Variants in HORMAD2 observed in about 807,000 individuals in gnomAD.
HORMAD2 encodes the protein HORMA domain containing 2.
Under a neutral mutation model 38.8 loss-of-function variants are expected in HORMAD2, and 45 were observed. That is an observed-to-expected ratio of 1.16 (90% CI 0.91 to 1.49). The LOEUF is 1.49. Ranked by LOEUF, HORMAD2 falls within the 40% of genes most tolerant of loss-of-function variation. The pLI, the probability that HORMAD2 is intolerant of heterozygous loss-of-function variation, is 0.00. For missense variants in HORMAD2, 338 were observed against 367.0 expected, an observed-to-expected ratio of 0.92 and a Z score of 0.65; for synonymous variants, 126 against 122.8, an observed-to-expected ratio of 1.03 and a Z score of -0.17.
At chr22:30,182,336 A>G in the HORMAD2 span, among the ~76,000 whole-genome samples, 3 of 152,190 alleles carry the variant, frequency 2.0e-5, no homozygotes, top group Non-Finnish European at 2.9e-5. Context: ...ATTAGTTATG[A>G]GGTATCATCT....
intron 1 of HORMAD2, among the ~76,000 whole-genome samples, chr22:30,088,124 C>CACAT (rs1491190235): frequency 9.2e-4 from 133 of 144,714 alleles, no homozygotes; most frequent in Non-Finnish European, 1.5e-3. Flanking sequence ...TATACACACA[C>CACAT]GTACACATGT....
intron 10 of HORMAD2, among the ~76,000 whole-genome samples, chr22:30,142,481 A>G (rs529764471): frequency 1.3e-5 from 2 of 152,190 alleles, no homozygotes; most frequent in South Asian, 2.1e-4. Context: ...GTCTGACGCT[A>G]TTATTGTTGA....
At chr22:30,172,528 T>C (rs1911941031) in intron 10 of HORMAD2, among the ~76,000 whole-genome samples, 1 of 152,182 alleles carries the variant, frequency 6.6e-6, no homozygotes, top group African/African-American at 2.4e-5. Context: ...CATTTGTGTG[T>C]TCATTCATTC....
chr22:30,193,417 C>T, the HORMAD2 span, among the ~76,000 whole-genome samples: 1 of 152,260 alleles, frequency 6.6e-6, no homozygotes, highest in African/African-American at 2.4e-5. Flanking sequence ...AGGACAGAAA[C>T]AAACACCAGA....
intron 2 of HORMAD2, 27 bp from the exon 3 acceptor site, chr22:30,098,825 C>A (rs770848993): frequency 6.3e-6 from 10 of 1,593,800 alleles, no homozygotes; most frequent in Admixed American, 1.7e-5. Context: ...TAATACTAAT[C>A]TTTTTTCACC....
intron 8 of HORMAD2, among the ~76,000 whole-genome samples, chr22:30,121,202 G>T (rs1419629103): frequency 6.6e-6 from 1 of 152,186 alleles, no homozygotes; most frequent in Non-Finnish European, 1.5e-5. Context: ...CCCAGAGCTG[G>T]TGATTGATTT....
chr22:30,127,371 C>T (rs1922955923), intron 10 of HORMAD2, among the ~76,000 whole-genome samples: 2 of 151,884 alleles, frequency 1.3e-5, no homozygotes, highest in Admixed American at 1.3e-4. Flanking sequence ...ACCACACCCA[C>T]CTAGTTTTTG....
chr22:30,121,422 T>C (rs1922419699), intron 8 of HORMAD2, among the ~76,000 whole-genome samples: 1 of 152,216 alleles, frequency 6.6e-6, no homozygotes, highest in Non-Finnish European at 1.5e-5. Flanking sequence ...GATCGTATTT[T>C]AAATGCTTTT....
downstream of HORMAD2, among the ~76,000 whole-genome samples, chr22:30,179,268 A>G (rs1926604596): frequency 6.6e-6 from 1 of 152,216 alleles, no homozygotes; most frequent in South Asian, 2.1e-4. Context: ...TGCATGTAAG[A>G]GTTAAGTCAA....
intron 1 of HORMAD2, among the ~76,000 whole-genome samples, chr22:30,085,857 A>G (rs996539264): frequency 1.3e-5 from 2 of 152,260 alleles, no homozygotes. Context: ...GTCAGGGGAT[A>G]CTTAAAGACA....
chr22:30,120,625 C>T (rs1371418927), intron 8 of HORMAD2, among the ~76,000 whole-genome samples: 1 of 150,810 alleles, frequency 6.6e-6, no homozygotes, highest in African/African-American at 2.4e-5. Flanking sequence ...CCAAATTGTT[C>T]ATTCATTCAT....
At chr22:30,137,456 G>A in intron 10 of HORMAD2, 1 of 262,904 alleles carries the variant, frequency 3.8e-6, no homozygotes, top group East Asian at 1.1e-4. Flanking sequence ...CCACTGCACT[G>A]CAACCAGGGC....
chr22:30,207,367 T>C, the HORMAD2 span, among the ~76,000 whole-genome samples: 1 of 152,056 alleles, frequency 6.6e-6, no homozygotes, highest in African/African-American at 2.4e-5. Context: ...AAACCACTGA[T>C]TAGGAAGCAA....
At chr22:30,081,571 CTTTTCTT>C (rs2068475408) in intron 1 of HORMAD2, among the ~76,000 whole-genome samples, 1 of 146,688 alleles carries the variant, frequency 6.8e-6, no homozygotes, top group African/African-American at 2.4e-5. Context: ...CCTCACTTTC[CTTTTCTT>C]TTTTCTTTTT....
At chr22:30,077,898 G>A (rs758708641), upstream of HORMAD2, among the ~76,000 whole-genome samples, 1 of 152,184 alleles carries the variant, frequency 6.6e-6, no homozygotes, top group Non-Finnish European at 1.5e-5. Flanking sequence ...TACCTTCAAT[G>A]TTCACTGAGG....
In HORMAD2 at chr22:30,094,522, C is replaced by T. The variant is rs141899837; in HGVS notation, c.51+519C>T. Among the ~76,000 whole-genome samples the T allele has an allele frequency of 1.0e-3, 158 of 152,260 alleles. 2 individuals are homozygous for T. The highest frequency in any genetic ancestry group is 3.7e-3 in the African/African-American group (152 of 41,556). On this transcript the variant is annotated intron_variant, in intron 2 of 10. Coordinates refer to ENST00000336726, the MANE Select transcript of HORMAD2 (RefSeq NM_152510.4). ...ATTATGTAGTATAATATTCATTATACTGTGTAACTCACTGATAAAATACAA... is the reference window on the plus strand; with the variant it reads ...ATTATGTAGTATAATATTCATTATATTGTGTAACTCACTGATAAAATACAA...
At chr22:30,151,500 T>A (rs1924748022) in intron 10 of HORMAD2, among the ~76,000 whole-genome samples, 1 of 152,142 alleles carries the variant, frequency 6.6e-6, no homozygotes, top group African/African-American at 2.4e-5. Context: ...TGCTTAAGAA[T>A]TTCAACATGA....
At chr22:30,156,764 C>A (rs1427910615) in intron 10 of HORMAD2, among the ~76,000 whole-genome samples, 1 of 152,202 alleles carries the variant, frequency 6.6e-6, no homozygotes, top group African/African-American at 2.4e-5. Context: ...GCAAGATTGT[C>A]CTTGATAATC....
At chr22:30,202,600 C>A in the HORMAD2 span, among the ~76,000 whole-genome samples, 1 of 152,148 alleles carries the variant, frequency 6.6e-6, no homozygotes. Context: ...CCCATTACAG[C>A]CTTCTCAGCC....
Sources: allele counts gnomAD v4.1 joint callset (sites outside exome capture counted in the v4.1 genomes callset), GRCh38; gene constraint gnomAD v4.1.1; transcripts MANE v1.5; gene names NCBI Gene and HGNC (gene_info 2026-07-23, HGNC 2026-07-21).